The following XYLT1 variants were observed in gnomAD, a reference collection of about 807,000 sequenced individuals.
XYLT1 encodes beta-D-xylosyltransferase 1.
A neutral mutation model predicts 91.3 loss-of-function variants in XYLT1; 36 were observed. The observed-to-expected ratio is 0.39, with a 90% CI of 0.30 to 0.52. The LOEUF (loss-of-function observed/expected upper bound fraction) is 0.52. Among genes scored for constraint, XYLT1 ranks in the 20% least tolerant of loss-of-function variants. The probability of loss-of-function intolerance (pLI) is 0.68; values close to 1 mark genes in which losing one functional copy is unlikely to be tolerated. For synonymous variants in XYLT1, 588 were observed against 532.0 expected, an observed-to-expected ratio of 1.11 and a Z score of -1.45; for missense variants, 1,242 against 1,284.5, an observed-to-expected ratio of 0.97 and a Z score of 0.51.
At chr16:17,275,071 G>A (rs762547779) in intron 2 of XYLT1, among the ~76,000 whole-genome samples, 1 of 152,086 alleles carries the variant, frequency 6.6e-6, no homozygotes, top group Non-Finnish European at 1.5e-5. Flanking sequence ...CAGCTACTCG[G>A]GAGGCTGAGG....
intron 5 of XYLT1, among the ~76,000 whole-genome samples, chr16:17,164,200 C>G (rs1220398334): frequency 6.6e-6 from 1 of 151,980 alleles, no homozygotes; most frequent in Non-Finnish European, 1.5e-5. Flanking sequence ...CTAGTGTACC[C>G]ATAATCTTTA....
Position 17,395,446 on chromosome 16 carries a change from G to C in XYLT1, c.364-37396C>G, listed in dbSNP as rs1218237206. Among the ~76,000 whole-genome samples, 5 of 152,134 alleles carry C rather than the reference G, an allele frequency of 3.3e-5. No homozygotes were observed. In the East Asian group the frequency reaches 7.7e-4, roughly 23 times the overall value. ...GATTACTTGAGCCTAAGAATTCAAG[G>C]CTGCAGTGAGCCATGATCGCACCAC... On this transcript the variant is annotated intron_variant, in intron 1 of 11. Transcript: ENST00000261381.
At chr16:17,313,059 C>T (rs1002439614) in intron 2 of XYLT1, among the ~76,000 whole-genome samples, 2 of 152,210 alleles carry the variant, frequency 1.3e-5, no homozygotes, top group Non-Finnish European at 2.9e-5. Context: ...GCCTTGTTGG[C>T]TCCTGGATAG....
intron 2 of XYLT1, among the ~76,000 whole-genome samples, chr16:17,310,420 T>C (rs1432622962): frequency 6.6e-6 from 1 of 152,190 alleles, no homozygotes; most frequent in Non-Finnish European, 1.5e-5. Flanking sequence ...CTTATCACAG[T>C]CCCACTCAGT....
intron 3 of XYLT1, among the ~76,000 whole-genome samples, chr16:17,234,827 T>G (rs2871682): frequency 6.6e-6 from 1 of 152,184 alleles, no homozygotes; most frequent in African/African-American, 2.4e-5. Flanking sequence ...CACAGAGAAA[T>G]GTCTGTCTGC....
At chr16:17,458,084 T>C (rs772324573) in intron 1 of XYLT1, among the ~76,000 whole-genome samples, 1 of 152,254 alleles carries the variant, frequency 6.6e-6, no homozygotes, top group Admixed American at 6.5e-5. Context: ...GTTTATTTTA[T>C]GAACGTGAGT....
intron 2 of XYLT1, among the ~76,000 whole-genome samples, chr16:17,327,361 CTTT>C (rs138879762): frequency 1.3e-4 from 14 of 108,064 alleles, no homozygotes; most frequent in Non-Finnish European, 1.5e-4. Flanking sequence ...TTTCTTTTTT[CTTT>C]TTTTTTTTTT....
At chr16:17,260,418 G>A (rs1027334737) in intron 2 of XYLT1, among the ~76,000 whole-genome samples, 2 of 152,046 alleles carry the variant, frequency 1.3e-5, no homozygotes, top group African/African-American at 4.8e-5. Flanking sequence ...CCTACAACAC[G>A]GCCCCTGACC....
chr16:17,185,986 A>C (rs966841949), intron 5 of XYLT1, among the ~76,000 whole-genome samples: 20 of 152,214 alleles, frequency 1.3e-4, no homozygotes, highest in African/African-American at 4.6e-4. Context: ...GACAGAGTGA[A>C]GACTCTATCT....
intron 6 of XYLT1, among the ~76,000 whole-genome samples, chr16:17,146,375 C>T (rs2030977763): frequency 6.6e-6 from 1 of 152,136 alleles, no homozygotes. Flanking sequence ...TGTGGTTTTA[C>T]CTGTCACCAG....
chr16:17,334,503 T>C (rs550497791), intron 2 of XYLT1, among the ~76,000 whole-genome samples: 1 of 150,026 alleles, frequency 6.7e-6, no homozygotes, highest in African/African-American at 2.5e-5. Context: ...TCCACCTAAA[T>C]GATGAATTCA....
chr16:17,188,914 C>T (rs2032248569), intron 5 of XYLT1, among the ~76,000 whole-genome samples: 1 of 152,206 alleles, frequency 6.6e-6, no homozygotes, highest in Admixed American at 6.5e-5. Flanking sequence ...GATTTGGACC[C>T]AGGTGGACTG....
chr16:17,459,123 GC>G lies in XYLT1; in HGVS notation c.363+11310del, dbSNP rs2036782155. On this transcript the variant is annotated intron_variant, in intron 1 of 11. Coordinates refer to ENST00000261381, the MANE Select transcript of XYLT1 (RefSeq NM_022166.4). ...GTGGTGGCTCACGCCTGTAATCCCA[GC>G]AGTTTGGGAGGCTGAGGTGGGAGGA... 1.3e-5 allele frequency among the ~76,000 whole-genome samples: 2 copies of G among 152,184 alleles called. 1 individual carries two copies. The highest frequency in any genetic ancestry group is 4.1e-4 in the South Asian group (2 of 4,830).
At chr16:17,470,297 G>A in intron 1 of XYLT1, 137 bp downstream of exon 1, 2 of 1,101,854 alleles carry the variant, frequency 1.8e-6, no homozygotes, top group South Asian at 4.7e-5. Context: ...CCGGCTTCCC[G>A]GGGCAAGAGG....
chr16:17,470,464 G>A lies in XYLT1; in HGVS notation c.333C>T (p.Ala111=). The change falls in exon 1 of 12, where the codon GCC becomes GCT. Residue 111 remains alanine, a synonymous_variant. Transcript: ENST00000261381. Reference sequence around the variant, plus strand: ...CCCGGGCGGGCAGTGCCCCCCGGCTGGCCGGCTGCTGTCCCCGCGGTTCTC... The same window carrying A: ...CCCGGGCGGGCAGTGCCCCCCGGCTAGCCGGCTGCTGTCCCCGCGGTTCTC... ...GPGEPRGQQP[A]SRGALPARAL... 3 of 1,232,354 alleles carry A rather than the reference G, an allele frequency of 2.4e-6. No homozygotes were observed. The highest frequency in any genetic ancestry group is 3.0e-6 in the Non-Finnish European group (3 of 988,160). 76.3% of individuals were successfully genotyped at this position (1,232,354 alleles called of 1,614,324 possible).
rs1407366313 is a variant in XYLT1, at chr16:17,107,493, C to T, written c.*1202G>A. On this transcript the variant is annotated 3_prime_UTR_variant, in exon 12 of 12. Coordinates refer to ENST00000261381, the MANE Select transcript of XYLT1 (RefSeq NM_022166.4). ...TACTGTTTTTTGTTGTTTAAATAAC[C>T]TTCCCATTTTTATGTTGCATGTCCC... is the stretch of plus-strand genomic sequence containing the variant. 2.0e-5 allele frequency: 3 copies of T among 152,620 alleles called. No individual in the cohort carries two copies. The highest frequency in any genetic ancestry group is 4.4e-5 in the Non-Finnish European group (3 of 68,022). 9.5% of individuals were successfully genotyped at this position (152,620 alleles called of 1,614,324 possible).
chr16:17,334,186 T>C lies in XYLT1; in HGVS notation c.402+23826A>G, dbSNP rs572724450. Among the ~76,000 whole-genome samples, 4 of 152,294 alleles carry C rather than the reference T, an allele frequency of 2.6e-5. No individual in the cohort carries two copies. In the East Asian group the frequency reaches 7.7e-4, roughly 29 times the overall value. On this transcript the variant is annotated intron_variant, in intron 2 of 11. Coordinates refer to ENST00000261381, the MANE Select transcript of XYLT1 (RefSeq NM_022166.4). ...TCCCAGCTTTCAGAACTGTGAGCAATACATTTCTGTTGCCTGTAACTTACT... is the reference window on the plus strand; with the variant it reads ...TCCCAGCTTTCAGAACTGTGAGCAACACATTTCTGTTGCCTGTAACTTACT...
In XYLT1 at chr16:17,358,130, C is replaced by CT. The variant is rs573822407; in HGVS notation, c.364-81dup. 0.15 allele frequency: 161,682 copies of CT among 1,103,540 alleles called. 1,619 individuals are homozygous for CT. The highest frequency in any genetic ancestry group is 0.22 in the African/African-American group (12,700 of 57,974). The allele number at this position is 1,103,540 out of a possible 1,614,324, so 68.4% of individuals were successfully genotyped here. Reference sequence around the variant, plus strand: ...ACCCCAGCATCTTTTTCTTTCTTTCCTTTTTTTTTTTTTTTAAGAGACAGG... The same window carrying CT: ...ACCCCAGCATCTTTTTCTTTCTTTCCTTTTTTTTTTTTTTTTAAGAGACAGG... On this transcript the variant is annotated intron_variant, in intron 1 of 11. Coordinates refer to ENST00000261381, the MANE Select transcript of XYLT1 (RefSeq NM_022166.4).
Position 17,362,281 on chromosome 16 carries a change from G to A in XYLT1, c.364-4231C>T, listed in dbSNP as rs537082361. Among the ~76,000 whole-genome samples the A allele has an allele frequency of 2.3e-3, 342 of 151,882 alleles. 19 individuals carry two copies. In the South Asian group the frequency reaches 0.066, roughly 29 times the overall value. ...CATCTGTCTTTTTTAAAAAGGTAGCGGACATGGTTGATAGAAATTAGCACA... is the reference window on the plus strand; with the variant it reads ...CATCTGTCTTTTTTAAAAAGGTAGCAGACATGGTTGATAGAAATTAGCACA... On this transcript the variant is annotated intron_variant, in intron 1 of 11. Coordinates refer to ENST00000261381, the MANE Select transcript of XYLT1 (RefSeq NM_022166.4).
Sources: allele counts gnomAD v4.1 joint callset (sites outside exome capture counted in the v4.1 genomes callset), GRCh38; gene constraint gnomAD v4.1.1; transcripts MANE v1.5; gene names NCBI Gene and HGNC (gene_info 2026-07-23, HGNC 2026-07-21).